SERF2: variants seen among roughly 807,000 people sequenced by gnomAD.
The protein encoded by SERF2 is gastric cancer-related protein VRG107.
SERF2 carries 4 observed loss-of-function variants against 10.7 expected under a neutral mutation model. The observed-to-expected ratio is 0.37, with a 90% confidence interval of 0.18 to 0.86. The LOEUF (loss-of-function observed/expected upper bound fraction) is 0.86, where lower values mean the gene tolerates loss of function less well. Among genes scored for constraint, SERF2 ranks in the 40% least tolerant of loss-of-function variants. SERF2 has a pLI of 0.43. For missense variants in SERF2, 47 were observed against 79.1 expected, an observed-to-expected ratio of 0.59 and a Z score of 1.54; for synonymous variants, 26 against 26.0, an observed-to-expected ratio of 1.00 and a Z score of 0.01.
Position 43,794,950 on chromosome 15 carries a change from G to A in SERF2, c.*1177G>A. The A allele has an allele frequency of 6.8e-7, 1 of 1,472,626 alleles. No individual in the cohort carries two copies. The highest frequency in any genetic ancestry group is 9.3e-7 in the Non-Finnish European group (1 of 1,078,208). The allele number at this position is 1,472,626 out of a possible 1,614,324, so 91.2% of individuals were successfully genotyped here. On this transcript the variant is annotated 3_prime_UTR_variant, in exon 3 of 3. Transcript: ENST00000249786. ...AGCTGGGCTGGACAGCTCCCCTTGA[G>A]CCAACTCTAGGAGTACAATGTCAGG...
At chr15:43,781,583 G>A (rs2141667696) in intron 1 of SERF2, among the ~76,000 whole-genome samples, 1 of 147,160 alleles carries the variant, frequency 6.8e-6, no homozygotes, top group South Asian at 2.1e-4. Context: ...GTTTATGTCT[G>A]CATTTTTCCT....
chr15:43,790,010 C>G (rs1470653690), upstream of SERF2, among the ~76,000 whole-genome samples: 1 of 152,018 alleles, frequency 6.6e-6, no homozygotes, highest in Non-Finnish European at 1.5e-5. Flanking sequence ...AGCGTGGTGG[C>G]ACGCACCTGT....
Position 43,794,199 on chromosome 15 carries a change from T to A in SERF2, c.*426T>A, listed in dbSNP as rs1596042879. The A allele has an allele frequency of 7.7e-6, 4 of 517,682 alleles. No individual in the cohort carries two copies. The Admixed American group carries it at 1.1e-4, about 14-fold the overall frequency. 32.1% of individuals were successfully genotyped at this position (517,682 alleles called of 1,614,324 possible). ...CACAGAAGAAGCCTTTATTATACAA[T>A]GACAACCAAACAAGTACTCCGGATA... On this transcript the variant is annotated 3_prime_UTR_variant, in exon 3 of 3. Transcript: ENST00000249786.
At position 43,795,065 on chromosome 15, in the gene SERF2, G is replaced by A. The variant is rs371045123; in HGVS notation, c.*1292G>A. 2 of 1,613,342 alleles carry A rather than the reference G, an allele frequency of 1.2e-6. No individual in the cohort carries two copies. Among genetic ancestry groups the A allele is most frequent in the African/African-American group, 2.7e-5 (2 of 74,848 alleles). ...TGGCGGCGGCGCCTCAAGATAAGGG[G>A]CTGGGGTTTCTGGGTGGGGGGCCAA... On this transcript the variant is annotated 3_prime_UTR_variant, in exon 3 of 3. Coordinates refer to ENST00000249786, the MANE Select transcript of SERF2 (RefSeq NM_001018108.4).
At chr15:43,777,587 C>G in intron 1 of SERF2, 1 of 173,390 alleles carries the variant, frequency 5.8e-6, no homozygotes, top group Non-Finnish European at 1.3e-5. Context: ...GGCAGGGATA[C>G]GGGCGCGGGT....
intron 1 of SERF2, 185 bp downstream of exon 1, chr15:43,792,568 C>T: frequency 6.8e-7 from 1 of 1,475,426 alleles, no homozygotes; most frequent in Non-Finnish European, 9.0e-7. Flanking sequence ...TTCACGGGAC[C>T]ACCCTCCCGG....
At position 43,793,750 on chromosome 15, in the gene SERF2, G is replaced by T; in HGVS notation, c.157G>T (p.Glu53Ter). ...IMQQKQKKAN[E>*]KKEEPK ...GCAGCAGAAGCAGAAAAAGGCAAAC[G>T]AGAAGAAGGAGGAACCCAAGTAGCT... The change falls in exon 3 of 3, where the codon GAG becomes TAG. Residue 53 changes from glutamate to a stop codon, truncating the protein, a stop_gained. Transcript: ENST00000249786. LOFTEE classifies it high-confidence loss of function. 6.2e-7 allele frequency: 1 copy of T among 1,614,164 alleles called. No individual in the cohort carries two copies. The highest frequency in any genetic ancestry group is 8.5e-7 in the Non-Finnish European group (1 of 1,180,014).
exon 1 of SERF2, chr15:43,777,188 A>G: frequency 1.7e-6 from 1 of 604,934 alleles, no homozygotes; most frequent in Non-Finnish European, 3.2e-6. Context: ...TTCTCGGGAG[A>G]AAGAGTCCGC....
At chr15:43,784,108 T>C (rs1444279748) in intron 1 of SERF2, among the ~76,000 whole-genome samples, 1 of 151,846 alleles carries the variant, frequency 6.6e-6, no homozygotes, top group Non-Finnish European at 1.5e-5. Context: ...TTAAAAGTTT[T>C]GTAGAGATGG....
At chr15:43,792,294 A>G (rs530789291), upstream of SERF2, 421 of 1,201,152 alleles carry the variant, frequency 3.5e-4, no homozygotes, top group Non-Finnish European at 4.2e-4. Context: ...CGACTGTGCT[A>G]CGTTGCCAGA....
At position 43,795,316 on chromosome 15, in the gene SERF2, A is replaced by G. The variant is rs1197965345; in HGVS notation, c.*1543A>G. On this transcript the variant is annotated 3_prime_UTR_variant, in exon 3 of 3. Coordinates refer to ENST00000249786, the MANE Select transcript of SERF2 (RefSeq NM_001018108.4). ...AATGGCAGACCCATGTGTGTCTGGA[A>G]TGGCCTTGAATTGCTCTTTCCTTAA... The G allele has an allele frequency of 3.8e-6, 6 of 1,598,400 alleles. No individual in the cohort carries two copies. The highest frequency in any genetic ancestry group is 1.7e-4 in the Middle Eastern group (1 of 6,054).
chr15:43,792,086 C>A, upstream of SERF2: 1 of 497,794 alleles, frequency 2.0e-6, no homozygotes. Flanking sequence ...CACCCCCAAC[C>A]TGCCCACGTG....
At chr15:43,792,087 T>G, upstream of SERF2, 4 of 395,234 alleles carry the variant, frequency 1.0e-5, no homozygotes, top group East Asian at 5.8e-5. Context: ...ACCCCCAACC[T>G]GCCCACGTGA....
In SERF2 at chr15:43,796,075, G is replaced by A; in HGVS notation, c.*2302G>A. On this transcript the variant is annotated 3_prime_UTR_variant, in exon 3 of 3. Transcript: ENST00000249786. ...ACAGCAGCTATAATCTGAGCATTCT[G>A]GGTAGAGGTTGGTAGGATGTGTGTG... 1 of 1,021,864 alleles carries A rather than the reference G, an allele frequency of 9.8e-7. No individual in the cohort carries two copies. The highest frequency in any genetic ancestry group is 1.3e-5 in the South Asian group (1 of 77,238). 63.3% of individuals were successfully genotyped at this position (1,021,864 alleles called of 1,614,324 possible). A position where few individuals can be genotyped will look rare whatever the true frequency, so the allele number is the denominator to read the frequency against.
At position 43,792,343 on chromosome 15, in the gene SERF2, G is replaced by A. The variant is rs765184582; in HGVS notation, c.-34G>A. ...GCAACGTCCGACAGAACGAGGGGAC[G>A]TAACGGAGGCAGGTTGGAGCCGCTG... is the stretch of plus-strand genomic sequence containing the variant. On this transcript the variant is annotated 5_prime_UTR_variant, in exon 1 of 3. Coordinates refer to ENST00000249786, the MANE Select transcript of SERF2 (RefSeq NM_001018108.4). 1.0e-4 allele frequency: 162 copies of A among 1,552,870 alleles called. No homozygotes were observed. The highest frequency in any genetic ancestry group is 8.5e-4 in the South Asian group (76 of 89,822).
chr15:43,792,290 T>C (rs949297230), upstream of SERF2: 4 of 1,175,674 alleles, frequency 3.4e-6, no homozygotes, highest in Middle Eastern at 3.8e-4. Flanking sequence ...GGAACGACTG[T>C]GCTACGTTGC....
chr15:43,781,894 C>CTTTT (rs34126146), intron 1 of SERF2, among the ~76,000 whole-genome samples: 1 of 53,220 alleles, frequency 1.9e-5, no homozygotes, highest in African/African-American at 3.7e-5. Flanking sequence ...ACTTCTTCTT[C>CTTTT]TTTTTTTTTT....
In SERF2 at chr15:43,795,228, G is replaced by A; in HGVS notation, c.*1455G>A. On this transcript the variant is annotated 3_prime_UTR_variant, in exon 3 of 3. Transcript: ENST00000249786. ...CTCCCTCATAGCTGTGTAACCAAAGGCTCTGGTTAGAGAATATGAAGGGCC... is the reference window on the plus strand; with the variant it reads ...CTCCCTCATAGCTGTGTAACCAAAGACTCTGGTTAGAGAATATGAAGGGCC... 6.2e-7 allele frequency: 1 copy of A among 1,611,806 alleles called. No individual in the cohort carries two copies.
upstream of SERF2, chr15:43,792,307 G>A (rs2087076960): frequency 1.5e-6 from 2 of 1,326,108 alleles, no homozygotes; most frequent in East Asian, 2.3e-5. Context: ...TTGCCAGAAG[G>A]GGCGGGACCT....
Sources: gnomAD v4.1 joint callset for allele counts (sites outside exome capture counted in the v4.1 genomes callset) on GRCh38, gnomAD v4.1.1 for gene constraint, MANE v1.5 for transcripts, NCBI Gene and HGNC (gene_info 2026-07-23, HGNC 2026-07-21) for gene names.